Variants in SPON1 observed in about 807,000 individuals in gnomAD.
The protein encoded by SPON1 is spondin 1.
SPON1 carries 52 observed loss-of-function variants against 111.7 expected under a neutral mutation model. The ratio of observed to expected loss-of-function variants is 0.47; its 90% confidence interval spans 0.37 to 0.59. The LOEUF (loss-of-function observed/expected upper bound fraction) is 0.59. Among genes scored for constraint, SPON1 ranks in the 20% least tolerant of loss-of-function variants. The pLI is 0.00. For synonymous variants in SPON1, 410 were observed against 395.8 expected (o/e 1.04, Z -0.43); for missense variants, 957 against 1,068.5 (o/e 0.90, Z 1.46).
chr11:14,131,928 C>T (rs1321970726), intron 5 of SPON1, among the ~76,000 whole-genome samples: 2 of 152,220 alleles, frequency 1.3e-5, no homozygotes, highest in African/African-American at 2.4e-5. Flanking sequence ...ATTCCTTCCC[C>T]CTGGCCAAGT....
intron 2 of SPON1, among the ~76,000 whole-genome samples, chr11:14,015,515 AGGGG>A (rs2133800970): frequency 6.6e-6 from 1 of 152,344 alleles, no homozygotes; most frequent in Admixed American, 6.5e-5. Context: ...TATGAATTTT[AGGGG>A]ACATTCAGAC....
In SPON1 at chr11:14,259,344, G is replaced by A. The variant is rs1327968757; in HGVS notation, c.1557G>A (p.Met519Ile). The A allele has an allele frequency of 1.9e-6, 3 of 1,612,974 alleles. No homozygotes were observed. In the African/African-American group the frequency reaches 4.0e-5, roughly 22 times the overall value. The change falls in exon 12 of 16, where the codon ATG (methionine) becomes ATA (isoleucine). Residue 519 changes from methionine (M) to isoleucine (I), a missense_variant. Physicochemically the swap from Met to Ile is conservative, Grantham distance 10. Around this residue, in one of 5 missense-constraint regions of SPON1, gnomAD observed 549 missense variants for 606.2 expected, o/e 0.91. Transcript: ENST00000576479. The surrounding 1 kb of genome is among the most constrained non-coding windows in gnomAD (Gnocchi z 5.0). ...TWSPCSISCG[M>I]GMRSRERYVK... Reference sequence around the variant, plus strand: ...CGCCCTGCAGCATCTCCTGCGGCATGGGCATGAGGTCCCGGGAGAGGTATG... The same window carrying A: ...CGCCCTGCAGCATCTCCTGCGGCATAGGCATGAGGTCCCGGGAGAGGTATG...
intron 5 of SPON1, among the ~76,000 whole-genome samples, chr11:14,080,313 C>G (rs182174328): frequency 5.9e-5 from 9 of 151,942 alleles, no homozygotes; most frequent in African/African-American, 2.2e-4. Flanking sequence ...ACTGCAACCT[C>G]CGCCTCCCGG....
intron 6 of SPON1, among the ~76,000 whole-genome samples, chr11:14,182,051 TG>T (rs1848239512): frequency 6.6e-6 from 1 of 152,134 alleles, no homozygotes. Context: ...CTAAAAAAAT[TG>T]GTAACTTGTA....
chr11:14,157,752 G>A (rs782040690), intron 6 of SPON1, among the ~76,000 whole-genome samples: 13 of 151,692 alleles, frequency 8.6e-5, no homozygotes, highest in South Asian at 2.1e-4. Flanking sequence ...ATACTTTAGC[G>A]TGGATATTTC....
At chr11:14,151,222 T>C (rs1176523101) in intron 6 of SPON1, among the ~76,000 whole-genome samples, 4 of 152,232 alleles carry the variant, frequency 2.6e-5, no homozygotes, top group Non-Finnish European at 4.4e-5. Context: ...TTTCAAAGGT[T>C]AGCCTTTCAT....
chr11:14,161,057 TTA>T (rs1160138066), intron 6 of SPON1, among the ~76,000 whole-genome samples: 3 of 47,430 alleles, frequency 6.3e-5, no homozygotes, highest in East Asian at 7.6e-4. Context: ...TTATATATAT[TTA>T]TATATATCTA....
At chr11:14,040,352 T>C (rs1848622933) in intron 2 of SPON1, among the ~76,000 whole-genome samples, 3 of 152,118 alleles carry the variant, frequency 2.0e-5, no homozygotes, top group South Asian at 4.1e-4. Flanking sequence ...AACAATGATA[T>C]AGCTCAAAAG....
At chr11:14,067,755 A>G (rs1349495511) in intron 3 of SPON1, among the ~76,000 whole-genome samples, 1 of 152,230 alleles carries the variant, frequency 6.6e-6, no homozygotes, top group Non-Finnish European at 1.5e-5. Flanking sequence ...CTGGGAAAGC[A>G]GGAACAGGAC....
chr11:13,965,382 T>C (rs1554907945), intron 1 of SPON1, among the ~76,000 whole-genome samples: 1 of 152,206 alleles, frequency 6.6e-6, no homozygotes, highest in Non-Finnish European at 1.5e-5. Context: ...CTTTTCACAC[T>C]AATCCTCCGT....
intron 11 of SPON1, 102 bp downstream of exon 11, chr11:14,258,000 G>T (rs782068898): frequency 2.6e-6 from 3 of 1,139,264 alleles, no homozygotes; most frequent in Non-Finnish European, 3.6e-6. Context: ...CAAGGACCCT[G>T]ACAGTAGATG....
chr11:13,981,649 C>T (rs534912424), intron 1 of SPON1, among the ~76,000 whole-genome samples: 5 of 152,150 alleles, frequency 3.3e-5, no homozygotes, highest in African/African-American at 1.2e-4. Flanking sequence ...ACGGAAAAAT[C>T]GTTTCCTGGG....
chr11:14,069,831 CTCTATCTACA>C (rs11276698), intron 3 of SPON1, among the ~76,000 whole-genome samples: 69,007 of 151,526 alleles, frequency 0.46, 16,342 homozygotes, highest in South Asian at 0.65. Context: ...TACCCTTTAA[CTCTATCTACA>C]AGTCATGGAG....
intron 2 of SPON1, among the ~76,000 whole-genome samples, chr11:14,026,436 A>C (rs1554915316): frequency 6.6e-6 from 1 of 152,252 alleles, no homozygotes; most frequent in Non-Finnish European, 1.5e-5. Flanking sequence ...ACATCTGTGC[A>C]TGATGTCTGC....
chr11:14,161,431 G>C (rs567818565), intron 6 of SPON1, among the ~76,000 whole-genome samples: 9 of 150,120 alleles, frequency 6.0e-5, no homozygotes, highest in African/African-American at 2.0e-4. Context: ...TGATTCTCTT[G>C]CCTTAGCCTC....
intron 2 of SPON1, among the ~76,000 whole-genome samples, chr11:14,004,257 G>C (rs536629903): frequency 1.3e-5 from 2 of 152,010 alleles, no homozygotes; most frequent in Non-Finnish European, 2.9e-5. Flanking sequence ...CATTTAGGTC[G>C]TTTCCATATC....
chr11:14,131,029 T>C (rs943485521), intron 5 of SPON1, among the ~76,000 whole-genome samples: 1 of 152,340 alleles, frequency 6.6e-6, no homozygotes, highest in African/African-American at 2.4e-5. Flanking sequence ...ACTATTGTTA[T>C]GTCATTCTTC....
At chr11:14,111,710 C>CT (rs1554925466) in intron 5 of SPON1, among the ~76,000 whole-genome samples, 1 of 152,110 alleles carries the variant, frequency 6.6e-6, no homozygotes, top group Non-Finnish European at 1.5e-5. Flanking sequence ...TCATTCCTGC[C>CT]AAACATCCTC....
chr11:14,261,239 C>A (rs1428913733), intron 14 of SPON1, among the ~76,000 whole-genome samples: 1 of 152,162 alleles, frequency 6.6e-6, no homozygotes, highest in African/African-American at 2.4e-5. Context: ...CGCTCCACTC[C>A]CAGTCCTGTT....
Sources: gnomAD v4.1 joint callset for allele counts (sites outside exome capture counted in the v4.1 genomes callset) on GRCh38, gnomAD v4.1.1 for gene constraint, gnomAD v4.1.1 regional missense constraint, Gnocchi (gnomAD v3.1) non-coding constraint, MANE v1.5 for transcripts, NCBI Gene and HGNC (gene_info 2026-07-23, HGNC 2026-07-21) for gene names.